The following C12orf42 variants were observed in gnomAD, a reference collection of about 807,000 sequenced individuals.
C12orf42 encodes uncharacterized protein C12orf42.
In C12orf42, 25 loss-of-function variants were observed where a neutral mutation model predicts 21.6. That is an observed-to-expected ratio of 1.16 (90% CI 0.84 to 1.62). The LOEUF (loss-of-function observed/expected upper bound fraction) is 1.62, where lower values mean the gene tolerates loss of function less well. C12orf42 is among the 40% of genes most tolerant of loss of function. The pLI, the probability that C12orf42 is intolerant of heterozygous loss-of-function variation, is 0.00. For synonymous variants in C12orf42, 174 were observed against 175.0 expected (o/e 0.99, Z 0.05); for missense variants, 483 against 459.3 (o/e 1.05, Z -0.47).
the C12orf42 span, among the ~76,000 whole-genome samples, chr12:103,082,488 G>T: frequency 6.6e-6 from 1 of 152,068 alleles, no homozygotes; most frequent in Non-Finnish European, 1.5e-5. Flanking sequence ...CATTTTAATT[G>T]ATTCATATGC....
At chr12:103,131,721 G>C in the C12orf42 span, among the ~76,000 whole-genome samples, 11 of 152,200 alleles carry the variant, frequency 7.2e-5, no homozygotes, top group Non-Finnish European at 1.3e-4. Flanking sequence ...ATGATGGCAG[G>C]TTGCTCCTGA....
intron 4 of C12orf42, among the ~76,000 whole-genome samples, chr12:103,361,221 G>A (rs1237228589): frequency 6.6e-6 from 1 of 152,118 alleles, no homozygotes; most frequent in Non-Finnish European, 1.5e-5. Flanking sequence ...TGTGAAAGTG[G>A]GAAAGGGGTA....
At chr12:103,219,921 A>G in the C12orf42 span, among the ~76,000 whole-genome samples, 2 of 152,248 alleles carry the variant, frequency 1.3e-5, no homozygotes, top group African/African-American at 4.8e-5. Flanking sequence ...GTATATACCC[A>G]AAGCATTATA....
chr12:103,496,548 G>A (rs1955553606), upstream of C12orf42, among the ~76,000 whole-genome samples: 1 of 152,162 alleles, frequency 6.6e-6, no homozygotes, highest in African/African-American at 2.4e-5. Flanking sequence ...TCATCTGCCT[G>A]AGGAGTCCAC....
intron 4 of C12orf42, among the ~76,000 whole-genome samples, chr12:103,280,657 CAAGT>C (rs773006568): frequency 6.6e-6 from 1 of 152,062 alleles, no homozygotes. Flanking sequence ...GAGACAGAAA[CAAGT>C]AAAGGATAAA....
At chr12:103,159,263 C>G in the C12orf42 span, among the ~76,000 whole-genome samples, 1 of 152,098 alleles carries the variant, frequency 6.6e-6, no homozygotes, top group Non-Finnish European at 1.5e-5. Flanking sequence ...TACCTCTTGC[C>G]CACAGTCACA....
At chr12:103,510,719 G>A in the C12orf42 span, among the ~76,000 whole-genome samples, 5 of 152,166 alleles carry the variant, frequency 3.3e-5, no homozygotes, top group East Asian at 7.7e-4. Context: ...TTTCCTTTGT[G>A]CTGTGGGTTA....
chr12:103,281,925 A>AAG (rs1267887647), intron 4 of C12orf42, among the ~76,000 whole-genome samples: 1 of 146,502 alleles, frequency 6.8e-6, no homozygotes, highest in Non-Finnish European at 1.5e-5. Context: ...AAAAGAAAGA[A>AAG]AGAAAGAAAG....
the C12orf42 span, among the ~76,000 whole-genome samples, chr12:103,523,690 A>G: frequency 6.6e-6 from 1 of 151,566 alleles, no homozygotes; most frequent in African/African-American, 2.4e-5. Context: ...AAGCAATTAC[A>G]GCATTGTTTT....
the C12orf42 span, among the ~76,000 whole-genome samples, chr12:103,552,760 A>T: frequency 4.6e-5 from 7 of 152,284 alleles, no homozygotes; most frequent in East Asian, 1.4e-3. Flanking sequence ...TGCTATAAAG[A>T]CATACCCAAG....
chr12:103,486,456 G>A (rs891293612), intron 1 of C12orf42, among the ~76,000 whole-genome samples: 7 of 150,674 alleles, frequency 4.6e-5, no homozygotes, highest in East Asian at 2.0e-4. Context: ...TTTTGGTATC[G>A]GGATAATGCT....
At chr12:103,121,617 G>A in the C12orf42 span, among the ~76,000 whole-genome samples, 1 of 152,284 alleles carries the variant, frequency 6.6e-6, no homozygotes, top group African/African-American at 2.4e-5. Context: ...CAGTGACCAC[G>A]CTATCATCAT....
the C12orf42 span, among the ~76,000 whole-genome samples, chr12:103,130,337 C>T: frequency 6.7e-6 from 1 of 150,160 alleles, no homozygotes; most frequent in African/African-American, 2.5e-5. Context: ...AGACCATATT[C>T]TAAAAATTCC....
the C12orf42 span, among the ~76,000 whole-genome samples, chr12:103,161,975 G>T: frequency 1.3e-5 from 2 of 152,138 alleles, no homozygotes; most frequent in African/African-American, 4.8e-5. Flanking sequence ...TTGTGTAATA[G>T]AATCTGTTCC....
the C12orf42 span, among the ~76,000 whole-genome samples, chr12:103,067,275 C>A: frequency 6.6e-6 from 1 of 152,188 alleles, no homozygotes; most frequent in Non-Finnish European, 1.5e-5. Flanking sequence ...AATGCCTTAT[C>A]CACTGTCATG....
the C12orf42 span, among the ~76,000 whole-genome samples, chr12:103,140,258 A>T: frequency 2.0e-5 from 3 of 152,336 alleles, no homozygotes; most frequent in Admixed American, 2.0e-4. Context: ...TTTTTGAGTC[A>T]TTTCATTGTT....
At chr12:103,078,848 G>T in the C12orf42 span, among the ~76,000 whole-genome samples, 1 of 152,108 alleles carries the variant, frequency 6.6e-6, no homozygotes, top group South Asian at 2.1e-4. Context: ...TTCAGACATT[G>T]CTTTGTCCAA....
At chr12:103,317,417 G>A (rs1382717980) in intron 4 of C12orf42, among the ~76,000 whole-genome samples, 1 of 152,168 alleles carries the variant, frequency 6.6e-6, no homozygotes, top group Non-Finnish European at 1.5e-5. Flanking sequence ...GACATCATCA[G>A]CCTTATTCAG....
At chr12:103,110,881 T>C in the C12orf42 span, among the ~76,000 whole-genome samples, 1 of 152,208 alleles carries the variant, frequency 6.6e-6, no homozygotes, top group Non-Finnish European at 1.5e-5. Context: ...TCATCTATAG[T>C]AAATATGCAC....
Sources: gnomAD v4.1 joint callset for allele counts (sites outside exome capture counted in the v4.1 genomes callset) on GRCh38, gnomAD v4.1.1 for gene constraint, MANE v1.5 for transcripts, NCBI Gene and HGNC (gene_info 2026-07-23, HGNC 2026-07-21) for gene names.